LTB4R: variants seen among roughly 807,000 people sequenced by gnomAD.
The protein encoded by LTB4R is leukotriene B4 receptor, also known as leukotriene B4 receptor 1.
For missense variants in LTB4R, 470 were observed against 485.6 expected, an observed-to-expected ratio of 0.97 and a Z score of 0.30; for synonymous variants, 250 against 230.7, an observed-to-expected ratio of 1.08 and a Z score of -0.76.
intron 1 of LTB4R, among the ~76,000 whole-genome samples, chr14:24,315,282 C>T (rs983189889): frequency 2.0e-5 from 3 of 152,134 alleles, no homozygotes; most frequent in African/African-American, 7.2e-5. Context: ...AAAGACTGGC[C>T]TTTCAAGGGG....
Position 24,316,550 on chromosome 14 carries a change from T to C in LTB4R, c.899T>C (p.Phe300Ser). 1 of 1,437,540 alleles carries C rather than the reference T, an allele frequency of 7.0e-7. No individual in the cohort carries two copies. Among genetic ancestry groups the C allele is most frequent in the Non-Finnish European group, 9.1e-7 (1 of 1,103,116 alleles). The allele number at this position is 1,437,540 out of a possible 1,614,324, so 89.0% of individuals were successfully genotyped here. The stretch of plus-strand genomic sequence containing the variant: ...CTGCTGCGCTCGGCGGGCGTGGGCT[T>C]CGTCGCCAAGCTGCTGGAGGGCACG... ...GGLLRSAGVGFVAKLLEGTGS... is the reference protein window; with the variant it reads ...GGLLRSAGVGSVAKLLEGTGS... Residue 300 changes from phenylalanine to serine, a missense_variant, in exon 2 of 2, where the codon TTC becomes TCC. Transcript: ENST00000345363.
rs1432090399 is a variant in LTB4R, at chr14:24,317,529, T to G, written c.*819T>G. 3 of 167,092 alleles carry G rather than the reference T, an allele frequency of 1.8e-5. No homozygotes were observed. In the Admixed American group the frequency reaches 2.0e-4, roughly 11 times the overall value. 10.4% of individuals were successfully genotyped at this position (167,092 alleles called of 1,614,324 possible). A position where few individuals can be genotyped will look rare whatever the true frequency, so the allele number is the denominator to read the frequency against. ...GTGAGAGGGATGAGTCATTATTTCC[T>G]AGAGATGACTGTTGTTTTAGAGAAC... On this transcript the variant is annotated 3_prime_UTR_variant, in exon 2 of 2. Transcript: ENST00000345363.
At position 24,311,758 on chromosome 14, in the gene LTB4R, C is replaced by T. The variant is rs1566424761; in HGVS notation, c.-62C>T. Reference sequence around the variant, plus strand: ...GACCTTTGACAGCAGACCCTACAACCTGCTGCCCTTCCCTGTCCCTTTCCA... The same window carrying T: ...GACCTTTGACAGCAGACCCTACAACTTGCTGCCCTTCCCTGTCCCTTTCCA... On this transcript the variant is annotated 5_prime_UTR_variant, in exon 1 of 2. Coordinates refer to ENST00000345363, the MANE Select transcript of LTB4R (RefSeq NM_001143919.3). 12 of 1,545,404 alleles carry T rather than the reference C, an allele frequency of 7.8e-6. No individual in the cohort carries two copies. Among genetic ancestry groups the T allele is most frequent in the Non-Finnish European group, 9.6e-6 (11 of 1,142,830 alleles).
chr14:24,314,596 C>T (rs1422616820), intron 1 of LTB4R: 1 of 152,282 alleles, frequency 6.6e-6, no homozygotes. Context: ...GCTACCATAC[C>T]TCCTTCTCCT....
At chr14:24,312,254 T>A (rs2041723255) in intron 1 of LTB4R, among the ~76,000 whole-genome samples, 1 of 152,220 alleles carries the variant, frequency 6.6e-6, no homozygotes, top group East Asian at 1.9e-4. Flanking sequence ...TATGGGAGCT[T>A]GGATGAGGGG....
intron 1 of LTB4R, among the ~76,000 whole-genome samples, chr14:24,315,319 G>A (rs1201139342): frequency 2.0e-5 from 3 of 152,110 alleles, no homozygotes; most frequent in African/African-American, 7.2e-5. Context: ...ACTCTGTTTG[G>A]TTCTGGGCTT....
intron 1 of LTB4R, chr14:24,314,377 G>A (rs1247538524): frequency 6.6e-6 from 1 of 152,206 alleles, no homozygotes; most frequent in Non-Finnish European, 1.5e-5. Flanking sequence ...CTAGATCATA[G>A]CTTGAACTGA....
chr14:24,312,731 C>T (rs144628563), intron 1 of LTB4R, among the ~76,000 whole-genome samples: 7 of 152,282 alleles, frequency 4.6e-5, no homozygotes, highest in South Asian at 2.1e-4. Context: ...GGTCTAAAAA[C>T]GGTTCTAGAT....
chr14:24,313,151 G>A (rs1007632936), intron 1 of LTB4R, among the ~76,000 whole-genome samples: 56 of 152,178 alleles, frequency 3.7e-4, no homozygotes, highest in Non-Finnish European at 5.9e-4. Flanking sequence ...GTAGATGCGG[G>A]TGGGGAACAG....
rs1460636212 is a variant in LTB4R, at chr14:24,316,304, G to C, written c.653G>C (p.Arg218Pro). The C allele has an allele frequency of 1.2e-6, 2 of 1,602,340 alleles. No individual in the cohort carries two copies. Among genetic ancestry groups the C allele is most frequent in the Non-Finnish European group, 1.7e-6 (2 of 1,175,796 alleles). The change falls in exon 2 of 2, where the codon CGC (arginine) becomes CCC (proline). Residue 218 changes from arginine (R) to proline (P), a missense_variant. Physicochemically the swap from Arg to Pro is moderately radical, Grantham distance 103 (BLOSUM62 -2). Transcript: ENST00000345363. ...LQARRFRRSR[R>P]TGRLVVLIIL... is the part of the protein sequence containing the mutation. ...GCCCGGCGCTTCCGCCGCAGCCGCC[G>C]CACCGGCCGCCTGGTGGTGCTCATC...
At chr14:24,312,463 G>T (rs1231788953) in intron 1 of LTB4R, among the ~76,000 whole-genome samples, 1 of 152,198 alleles carries the variant, frequency 6.6e-6, no homozygotes, top group Admixed American at 6.5e-5. Context: ...CTTGCCCCCT[G>T]ACCATCTGAT....
intron 1 of LTB4R, 84 bp from the exon 2 acceptor site, chr14:24,315,553 A>T: frequency 1.2e-6 from 1 of 822,254 alleles, no homozygotes; most frequent in Non-Finnish European, 2.0e-6. Context: ...GAGATAGACT[A>T]GAGTTCTCAG....
Position 24,311,539 on chromosome 14 carries a change from C to T in LTB4R, c.-281C>T. On this transcript the variant is annotated 5_prime_UTR_variant, in exon 1 of 2. Transcript: ENST00000345363. ...AACCCGGTGCTCTACGTCTTCACCG[C>T]TGGAGATCTGCTGCCCCGGGCAGGT... The T allele has an allele frequency of 1.9e-6, 3 of 1,606,134 alleles. No homozygotes were observed. Among genetic ancestry groups the T allele is most frequent in the Non-Finnish European group, 2.5e-6 (3 of 1,179,992 alleles).
chr14:24,315,844 C>T lies in LTB4R; in HGVS notation c.193C>T (p.Leu65=). The part of the protein sequence containing the change: ...LMVLNLALAD[L]AVLLTAPFFL... ...GGTGCTGAACCTGGCCCTGGCCGAC[C>T]TGGCCGTATTGCTCACTGCTCCCTT... is the stretch of plus-strand genomic sequence containing the variant. Residue 65 remains leucine, a synonymous_variant, in exon 2 of 2, where the codon CTG becomes TTG. Coordinates refer to ENST00000345363, the MANE Select transcript of LTB4R (RefSeq NM_001143919.3). The T allele has an allele frequency of 3.1e-6, 5 of 1,614,240 alleles. No individual in the cohort carries two copies. Among genetic ancestry groups the T allele is most frequent in the Middle Eastern group, 1.6e-4 (1 of 6,062 alleles).
At chr14:24,313,665 A>C (rs2041744708) in intron 1 of LTB4R, 1 of 150,212 alleles carries the variant, frequency 6.7e-6, no homozygotes, top group Non-Finnish European at 1.5e-5. Context: ...AGCTCACTGC[A>C]GCCTCCACTT....
Position 24,316,586 on chromosome 14 carries a change from C to A in LTB4R, c.935C>A (p.Ala312Glu). 6.9e-7 allele frequency: 1 copy of A among 1,439,990 alleles called. No homozygotes were observed. The allele number at this position is 1,439,990 out of a possible 1,614,324, so 89.2% of individuals were successfully genotyped here. A position where few individuals can be genotyped will look rare whatever the true frequency, so the allele number is the denominator to read the frequency against. ...CTGCTGGAGGGCACGGGCTCCGAGG[C>A]GTCCAGCACGCGCCGCGGGGGCAGC... ...AKLLEGTGSE[A>E]SSTRRGGSLG... Residue 312 changes from alanine to glutamate, a missense_variant, in exon 2 of 2, where the codon GCG becomes GAG. Physicochemically the swap from Ala to Glu is moderately radical, Grantham distance 107 (BLOSUM62 -1). Transcript: ENST00000345363.
At position 24,316,406 on chromosome 14, in the gene LTB4R, A is replaced by C; in HGVS notation, c.755A>C (p.Gln252Pro). The C allele has an allele frequency of 6.3e-7, 1 of 1,579,852 alleles. No homozygotes were observed. ...GAGGCGGGCCGCGCGCTGGCCGGCC[A>C]GGCCGCCGGGTTAGGGCTCGTGGGG... ...LAEAGRALAGQAAGLGLVGKR... is the reference protein window; with the variant it reads ...LAEAGRALAGPAAGLGLVGKR... The change falls in exon 2 of 2, where the codon CAG becomes CCG. Residue 252 changes from glutamine (Q) to proline (P), a missense_variant. Gln to Pro is a moderately conservative substitution (Grantham distance 76). Transcript: ENST00000345363.
At chr14:24,313,330 TGCG>T (rs2041740075) in intron 1 of LTB4R, 1 of 152,122 alleles carries the variant, frequency 6.6e-6, no homozygotes, top group Admixed American at 6.6e-5. Context: ...TCACATCCCG[TGCG>T]GTCAGGAAGC....
rs1388476829 is a variant in LTB4R at position 24,316,349 on chromosome 14, T to TCTGG, written c.702_705dup (p.Pro236AlafsTer10). The stretch of plus-strand genomic sequence containing the variant: ...CTCATCATCCTGACCTTCGCCGCCT[T>TCTGG]CTGGCTGCCCTACCACGTGGTGAAC... On this transcript the variant is annotated frameshift_variant, in exon 2 of 2. Coordinates refer to ENST00000345363, the MANE Select transcript of LTB4R (RefSeq NM_001143919.3). LOFTEE classifies it low-confidence loss of function (END_TRUNC). 6.3e-7 allele frequency: 1 copy of TCTGG among 1,596,604 alleles called. No homozygotes were observed. Among genetic ancestry groups the TCTGG allele is most frequent in the Non-Finnish European group, 8.5e-7 (1 of 1,174,632 alleles).
Sources: gnomAD v4.1 joint callset for allele counts (sites outside exome capture counted in the v4.1 genomes callset) on GRCh38, gnomAD v4.1.1 for gene constraint, MANE v1.5 for transcripts, NCBI Gene and HGNC (gene_info 2026-07-23, HGNC 2026-07-21) for gene names.